The following PUM1 variants were observed in gnomAD, a reference collection of about 807,000 sequenced individuals.
The protein encoded by PUM1 is pumilio RNA binding family member 1.
A neutral mutation model predicts 131.8 loss-of-function variants in PUM1; 13 were observed. That is an observed-to-expected ratio of 0.10 (90% confidence interval 0.06 to 0.16). The LOEUF (loss-of-function observed/expected upper bound fraction) is 0.16, where lower values mean the gene tolerates loss of function less well. PUM1 is among the 10% of genes least tolerant of loss of function. The probability of loss-of-function intolerance (pLI) is 1.00; values close to 1 mark genes in which losing one functional copy is unlikely to be tolerated. For synonymous variants in PUM1, 509 were observed against 556.5 expected, an observed-to-expected ratio of 0.91 and a Z score of 1.20; for missense variants, 961 against 1,512.4, an observed-to-expected ratio of 0.64 and a Z score of 6.05.
At chr1:30,950,050 G>C (rs962982204) in intron 17 of PUM1, 77 bp downstream of exon 17, 3 of 1,467,512 alleles carry the variant, frequency 2.0e-6, no homozygotes, top group East Asian at 4.7e-5. Context: ...ACTGAAAATT[G>C]ACAGAATTAC....
chr1:31,002,253 C>T (rs934509966), intron 5 of PUM1, among the ~76,000 whole-genome samples: 6 of 152,188 alleles, frequency 3.9e-5, no homozygotes, highest in African/African-American at 1.2e-4. Context: ...CCTAGACAAA[C>T]AAGTTTCACG....
chr1:30,966,212 G>A lies in PUM1; in HGVS notation c.1856C>T (p.Pro619Leu), dbSNP rs1245560973. Residue 619 changes from proline (P) to leucine (L), a missense_variant, in exon 13 of 22, where the codon CCA becomes CTA. Pro to Leu is a moderately conservative substitution (Grantham distance 98). This residue lies in a region of PUM1 where 654 missense variants were observed against 923.9 expected (regional missense o/e 0.71). Coordinates refer to ENST00000426105, the MANE Select transcript of PUM1 (RefSeq NM_001020658.2). ...AGGLAGTTNG[P>L]FRPLGTQQPQ... ...CTGCTGTGTTCCTAAAGGGCGAAAT[G>A]GTCCATTTGTTGTTCCAGCAAGACC... 2 of 1,613,708 alleles carry A rather than the reference G, an allele frequency of 1.2e-6. No homozygotes were observed. The highest frequency in any genetic ancestry group is 1.7e-6 in the Non-Finnish European group (2 of 1,179,776).
chr1:30,982,541 T>C (rs1641394044), intron 7 of PUM1, among the ~76,000 whole-genome samples: 1 of 152,230 alleles, frequency 6.6e-6, no homozygotes, highest in Non-Finnish European at 1.5e-5. Flanking sequence ...TCAACCTACC[T>C]GCTCTTCCTA....
At chr1:30,936,368 T>A (rs564464898) in intron 21 of PUM1, among the ~76,000 whole-genome samples, 51 of 152,328 alleles carry the variant, frequency 3.3e-4, no homozygotes, top group African/African-American at 1.1e-3. Context: ...GTTGATTTGT[T>A]GGACTCATAA....
At chr1:31,006,650 G>A (rs1001625648) in intron 4 of PUM1, among the ~76,000 whole-genome samples, 6 of 152,244 alleles carry the variant, frequency 3.9e-5, no homozygotes, top group Admixed American at 1.3e-4. Flanking sequence ...CAAGGGCAAG[G>A]GGAGAAAAAG....
At position 30,980,170 on chromosome 1, in the gene PUM1, A is replaced by G; in HGVS notation, c.1253-7T>C. ...AACGCAGCGGGAGCTAAACCTGCTG[A>G]AAACATACCTGTCAGTAAAAACAAA... On this transcript the variant is annotated splice_polypyrimidine_tract_variant and splice_region_variant and intron_variant, in intron 8 of 21. Coordinates refer to ENST00000426105, the MANE Select transcript of PUM1 (RefSeq NM_001020658.2). The G allele has an allele frequency of 2.5e-6, 4 of 1,611,936 alleles. No individual in the cohort carries two copies. Among genetic ancestry groups the G allele is most frequent in the Non-Finnish European group, 3.4e-6 (4 of 1,178,328 alleles).
chr1:30,942,442 G>A (rs1639493370), intron 18 of PUM1, among the ~76,000 whole-genome samples: 1 of 151,692 alleles, frequency 6.6e-6, no homozygotes. Context: ...TTAGTTAAGA[G>A]TCAAGTGTGT....
At chr1:30,953,690 A>C in intron 15 of PUM1, 24 bp downstream of exon 15, 1 of 1,611,826 alleles carries the variant, frequency 6.2e-7, no homozygotes, top group Non-Finnish European at 8.5e-7. Flanking sequence ...CGGGTACCTT[A>C]AAGTGCCAAA....
intron 10 of PUM1, among the ~76,000 whole-genome samples, chr1:30,969,667 C>T (rs1448377268): frequency 2.0e-5 from 3 of 151,520 alleles, no homozygotes; most frequent in Non-Finnish European, 4.4e-5. Context: ...CGGCGGGTGG[C>T]GCGGAGTGCA....
At chr1:30,964,185 T>G (rs899611800) in intron 14 of PUM1, among the ~76,000 whole-genome samples, 1 of 152,154 alleles carries the variant, frequency 6.6e-6, no homozygotes, top group Non-Finnish European at 1.5e-5. Context: ...GAGTTTATAT[T>G]TACAAATATT....
chr1:31,037,623 G>A (rs1643654984), intron 2 of PUM1, among the ~76,000 whole-genome samples: 2 of 152,104 alleles, frequency 1.3e-5, no homozygotes, highest in African/African-American at 4.8e-5. Flanking sequence ...AGCAGGCTGA[G>A]GCAGGATAAC....
intron 2 of PUM1, among the ~76,000 whole-genome samples, chr1:31,047,727 G>C (rs551102150): frequency 6.6e-6 from 1 of 152,332 alleles, no homozygotes; most frequent in African/African-American, 2.4e-5. Context: ...TGGATCACCT[G>C]AGGTCACGTG....
Position 31,033,376 on chromosome 1 carries a change from CTTTTT to C in PUM1, c.364-4517_364-4513del, listed in dbSNP as rs748444500. 4.2e-4 allele frequency among the ~76,000 whole-genome samples: 43 copies of C among 102,550 alleles called. No homozygotes were observed. In the East Asian group the frequency reaches 5.5e-3, roughly 13 times the overall value. The allele number at this position is 102,550 out of a possible 152,430, so 67.3% of individuals were successfully genotyped here. On this transcript the variant is annotated intron_variant, in intron 2 of 21. Transcript: ENST00000426105. ...TGTGCCACCACATCCAGCTAATTTTCTTTTTTTTTTTTTTTTTTTTTTTTTTTGAG... is the reference window on the plus strand; with the variant it reads ...TGTGCCACCACATCCAGCTAATTTTCTTTTTTTTTTTTTTTTTTTTTTGAG...
At chr1:30,952,410 T>C (rs995641122) in intron 15 of PUM1, 47 bp from the exon 16 acceptor site, 2 of 1,612,206 alleles carry the variant, frequency 1.2e-6, no homozygotes, top group Middle Eastern at 3.3e-4. Flanking sequence ...AAGGAAGACC[T>C]GGAGATACAT....
intron 7 of PUM1, 63 bp downstream of exon 7, chr1:30,992,323 CTTAA>C: frequency 6.4e-7 from 1 of 1,563,008 alleles, no homozygotes. Context: ...TCCCCCCATT[CTTAA>C]TTACTTGAAC....
chr1:30,975,509 CCTGA>C (rs994991208), intron 9 of PUM1, among the ~76,000 whole-genome samples: 4 of 148,658 alleles, frequency 2.7e-5, no homozygotes, highest in African/African-American at 9.9e-5. Context: ...TGCCACTATA[CCTGA>C]CTAATTTTTT....
rs11376427 is a variant in PUM1, at chr1:30,973,252, TA to T, written c.1506+1398del. Reference sequence around the variant, plus strand: ...TTTTTTTCTGTAATTGTGTGGAATCTAAAAAAAAAAAAAAAATTAAACATAC... The same window carrying T: ...TTTTTTTCTGTAATTGTGTGGAATCTAAAAAAAAAAAAAAATTAAACATAC... On this transcript the variant is annotated intron_variant, in intron 10 of 21. Transcript: ENST00000426105. Among the ~76,000 whole-genome samples, 894 of 138,156 alleles carry T rather than the reference TA, an allele frequency of 6.5e-3. 3 individuals carry two copies. Among genetic ancestry groups the T allele is most frequent in the Non-Finnish European group, 9.6e-3 (607 of 63,504 alleles). 90.6% of individuals were successfully genotyped at this position (138,156 alleles called of 152,430 possible).
intron 7 of PUM1, among the ~76,000 whole-genome samples, chr1:30,987,106 T>C (rs1641591672): frequency 6.6e-6 from 1 of 152,152 alleles, no homozygotes; most frequent in South Asian, 2.1e-4. Flanking sequence ...GAATTCTAAA[T>C]AAAGATCAAC....
At chr1:31,036,401 T>C (rs910804157) in intron 2 of PUM1, among the ~76,000 whole-genome samples, 6 of 152,132 alleles carry the variant, frequency 3.9e-5, no homozygotes, top group Non-Finnish European at 8.8e-5. Context: ...TTACCACTTG[T>C]TCCTGTTGTC....
Sources: allele counts gnomAD v4.1 joint callset (sites outside exome capture counted in the v4.1 genomes callset), GRCh38; gene constraint gnomAD v4.1.1; regional missense constraint gnomAD v4.1.1; transcripts MANE v1.5; gene names NCBI Gene and HGNC (gene_info 2026-07-23, HGNC 2026-07-21).